Variants in IGF1R observed in about 807,000 individuals in gnomAD.
The protein encoded by IGF1R is insulin like growth factor 1 receptor, also known as insulin-like growth factor 1 receptor.
IGF1R carries 44 observed loss-of-function variants against 144.6 expected under a neutral mutation model. The observed-to-expected ratio is 0.30, with a 90% CI of 0.24 to 0.39. The LOEUF (loss-of-function observed/expected upper bound fraction) is 0.39, where lower values mean the gene tolerates loss of function less well. IGF1R is among the 10% of genes least tolerant of loss of function. The probability of loss-of-function intolerance (pLI) is 1.00; values close to 1 mark genes in which losing one functional copy is unlikely to be tolerated. For missense variants in IGF1R, 1,355 were observed against 1,833.7 expected (o/e 0.74, Z 4.77); for synonymous variants, 795 against 722.8 (o/e 1.10, Z -1.60).
At chr15:98,656,418 C>T (rs927810068) in intron 1 of IGF1R, among the ~76,000 whole-genome samples, 17 of 152,134 alleles carry the variant, frequency 1.1e-4, no homozygotes, top group African/African-American at 4.1e-4. Flanking sequence ...GCGTGGTGGC[C>T]CGTGCCTATA....
At position 98,913,086 on chromosome 15, in the gene IGF1R, C is replaced by T. The variant is rs201327820; in HGVS notation, c.1632C>T (p.Cys544=). ...NVTEYDGQDA[C]GSNSWNMVDV... is the part of the protein sequence containing the mutation. ...CAGAGTATGATGGGCAGGATGCCTG[C>T]GGCTCCAACAGCTGGAACATGGTGG... Residue 544 remains cysteine (C), a synonymous_variant, in exon 8 of 21, where the codon TGC becomes TGT. Coordinates refer to ENST00000650285, the MANE Select transcript of IGF1R (RefSeq NM_000875.5). 5.5e-5 allele frequency: 88 copies of T among 1,614,098 alleles called. 1 individual carries two copies. Among genetic ancestry groups the T allele is most frequent in the Middle Eastern group, 1.6e-4 (1 of 6,062 alleles).
At chr15:98,955,044 T>C (rs903180528) in intron 20 of IGF1R, among the ~76,000 whole-genome samples, 1 of 152,212 alleles carries the variant, frequency 6.6e-6, no homozygotes, top group African/African-American at 2.4e-5. Flanking sequence ...AGCTCCACCC[T>C]CATGAATTTT....
At chr15:98,943,144 CA>C in intron 19 of IGF1R, 92 bp downstream of exon 19, 7 of 1,439,168 alleles carry the variant, frequency 4.9e-6, no homozygotes, top group Non-Finnish European at 6.8e-6. Context: ...TTTCTCTGTT[CA>C]TTGTTACCCG....
intron 20 of IGF1R, among the ~76,000 whole-genome samples, chr15:98,953,554 C>T (rs771974747): frequency 6.6e-6 from 1 of 152,082 alleles, no homozygotes; most frequent in Non-Finnish European, 1.5e-5. Context: ...AACGTAGTGA[C>T]GTAAAAGGTC....
intron 2 of IGF1R, among the ~76,000 whole-genome samples, chr15:98,815,881 G>C (rs2056686826): frequency 6.6e-6 from 1 of 152,094 alleles, no homozygotes. Flanking sequence ...CCCACATGCT[G>C]CCTCCACCCT....
At chr15:98,685,340 A>C (rs2053299404) in intron 1 of IGF1R, among the ~76,000 whole-genome samples, 1 of 152,154 alleles carries the variant, frequency 6.6e-6, no homozygotes, top group East Asian at 1.9e-4. Flanking sequence ...TGGATGGTAG[A>C]TGTTGAGTTC....
intron 1 of IGF1R, among the ~76,000 whole-genome samples, chr15:98,705,698 G>A (rs1023336776): frequency 3.9e-5 from 6 of 152,068 alleles, no homozygotes; most frequent in African/African-American, 1.4e-4. Flanking sequence ...GTAATGTAAT[G>A]CCCAGTGGGA....
intron 17 of IGF1R, among the ~76,000 whole-genome samples, chr15:98,937,373 C>T (rs890242022): frequency 1.3e-5 from 2 of 152,168 alleles, no homozygotes; most frequent in Non-Finnish European, 2.9e-5. Flanking sequence ...TTGGTCCTGG[C>T]TCTGCGGCTG....
At chr15:98,688,860 T>G (rs1269480572) in intron 1 of IGF1R, among the ~76,000 whole-genome samples, 1 of 152,072 alleles carries the variant, frequency 6.6e-6, no homozygotes, top group African/African-American at 2.4e-5. Flanking sequence ...ACCTAAAAAA[T>G]AAACCTTGAT....
chr15:98,676,254 C>T (rs1011042692), intron 1 of IGF1R, among the ~76,000 whole-genome samples: 2 of 152,172 alleles, frequency 1.3e-5, no homozygotes, highest in African/African-American at 4.8e-5. Flanking sequence ...AATTCTGCCT[C>T]AACCTCTCGA....
intron 2 of IGF1R, among the ~76,000 whole-genome samples, chr15:98,867,870 A>G (rs1171049504): frequency 6.6e-6 from 1 of 152,192 alleles, no homozygotes; most frequent in African/African-American, 2.4e-5. Flanking sequence ...TTTTGAAGTT[A>G]GGTTAAGCAT....
chr15:98,922,090 A>G (rs945988730), intron 10 of IGF1R, 58 bp from the exon 11 acceptor site: 8 of 1,585,148 alleles, frequency 5.0e-6, no homozygotes, highest in African/African-American at 4.0e-5. Flanking sequence ...TACTCAAGTC[A>G]TAGAAAAGAC....
intron 1 of IGF1R, among the ~76,000 whole-genome samples, chr15:98,678,496 T>TAAA (rs5814889): frequency 6.8e-6 from 1 of 146,254 alleles, no homozygotes; most frequent in East Asian, 2.0e-4. Flanking sequence ...GGCTGACACT[T>TAAA]AAAAAAAAAA....
At chr15:98,827,947 C>G (rs1485114970) in intron 2 of IGF1R, among the ~76,000 whole-genome samples, 2 of 152,174 alleles carry the variant, frequency 1.3e-5, no homozygotes, top group African/African-American at 4.8e-5. Flanking sequence ...TTCTCCCACA[C>G]CTGTCCCGCT....
In IGF1R at chr15:98,707,128, A is replaced by G. The variant is rs1596213424; in HGVS notation, c.95-434A>G. On this transcript the variant is annotated intron_variant, in intron 1 of 20. Transcript: ENST00000650285. The surrounding 1 kb of genome is among the most constrained non-coding windows in gnomAD (Gnocchi z 6.7). ...GCCCTGTGTCCTTCAGGCAGGGTGC[A>G]GTAGTAAGTTATTGATACTTGGCTG... is the stretch of plus-strand genomic sequence containing the variant. 1.3e-5 allele frequency among the ~76,000 whole-genome samples: 2 copies of G among 152,170 alleles called. No individual in the cohort carries two copies. The highest frequency in any genetic ancestry group is 2.1e-4 in the South Asian group (1 of 4,832).
At chr15:98,694,780 A>G (rs897579146) in intron 1 of IGF1R, among the ~76,000 whole-genome samples, 1 of 152,218 alleles carries the variant, frequency 6.6e-6, no homozygotes, top group African/African-American at 2.4e-5. Context: ...TGATCTGCGC[A>G]TCAGCACTGA....
intron 2 of IGF1R, among the ~76,000 whole-genome samples, chr15:98,871,293 A>G (rs2012772265): frequency 6.6e-6 from 1 of 152,222 alleles, no homozygotes; most frequent in African/African-American, 2.4e-5. Context: ...ATTGTTTAGC[A>G]TCGTCCATTT....
chr15:98,924,847 G>A (rs1046259583), intron 13 of IGF1R, among the ~76,000 whole-genome samples, 163 bp downstream of exon 13: 17 of 152,194 alleles, frequency 1.1e-4, no homozygotes, highest in African/African-American at 4.1e-4. Context: ...GGCACTGTGT[G>A]TGAAAGGTTG....
At chr15:98,655,237 C>T (rs189190754) in intron 1 of IGF1R, among the ~76,000 whole-genome samples, 23 of 152,294 alleles carry the variant, frequency 1.5e-4, no homozygotes, top group African/African-American at 4.8e-4. Flanking sequence ...CATACTTCCT[C>T]GGCATGATGT....
Sources: allele counts gnomAD v4.1 joint callset (sites outside exome capture counted in the v4.1 genomes callset), GRCh38; gene constraint gnomAD v4.1.1; non-coding constraint Gnocchi (gnomAD v3.1); transcripts MANE v1.5; gene names NCBI Gene and HGNC (gene_info 2026-07-23, HGNC 2026-07-21).